The following DAZL variants were observed in gnomAD, a reference collection of about 807,000 sequenced individuals.
DAZL encodes deleted in azoospermia like.
In DAZL, 4 loss-of-function variants were observed where a neutral mutation model predicts 45.0. That is an observed-to-expected ratio of 0.09 (90% confidence interval 0.04 to 0.20). The LOEUF (loss-of-function observed/expected upper bound fraction) is 0.20. Ranked by LOEUF, DAZL falls within the 10% of genes least tolerant of loss-of-function variation. DAZL has a pLI of 1.00. For synonymous variants in DAZL, 122 were observed against 112.4 expected (o/e 1.09, Z -0.54); for missense variants, 326 against 351.3 (o/e 0.93, Z 0.58).
chr3:16,590,403 AGT>A (rs1694499970), intron 10 of DAZL, among the ~76,000 whole-genome samples: 1 of 66,480 alleles, frequency 1.5e-5, no homozygotes, highest in Non-Finnish European at 2.9e-5. Context: ...AAAAAAAGCT[AGT>A]CTTTCTGTTT....
chr3:16,604,600 C>T lies in DAZL; in HGVS notation c.3+603G>A, dbSNP rs563303025. 5.4e-4 allele frequency: 751 copies of T among 1,389,644 alleles called. 6 individuals are homozygous for T. In the African/African-American group the frequency reaches 1.0e-2, roughly 18 times the overall value. 86.1% of individuals were successfully genotyped at this position (1,389,644 alleles called of 1,614,324 possible). A position where few individuals can be genotyped will look rare whatever the true frequency, so the allele number is the denominator to read the frequency against. The stretch of plus-strand genomic sequence containing the variant: ...GCCATGCCTTCAGGACGCCCCACAC[C>T]CCACGCTGAGGCCCCCACGAACCCC... On this transcript the variant is annotated intron_variant, in intron 1 of 10. Coordinates refer to ENST00000399444, the MANE Select transcript of DAZL (RefSeq NM_001351.4).
intron 2 of DAZL, 83 bp from the exon 3 acceptor site, chr3:16,598,261 A>G (rs1694630972): frequency 1.0e-5 from 15 of 1,430,658 alleles, no homozygotes; most frequent in Non-Finnish European, 1.4e-5. Context: ...CGATGATGTG[A>G]CAATTTCTCC....
At chr3:16,598,300 C>A in intron 2 of DAZL, 122 bp from the exon 3 acceptor site, 1 of 1,399,942 alleles carries the variant, frequency 7.1e-7, no homozygotes, top group Non-Finnish European at 1.0e-6. Context: ...ACCAGTAGCT[C>A]TTTGTCAAAG....
intron 8 of DAZL, 82 bp from the exon 9 acceptor site, chr3:16,593,850 G>T (rs1053882813): frequency 4.7e-6 from 4 of 848,736 alleles, no homozygotes; most frequent in Non-Finnish European, 5.5e-6. Context: ...AAGCTAAGCT[G>T]GTATCAAAAG....
Position 16,591,951 on chromosome 3 carries a change from T to C in DAZL, c.834+99A>G, listed in dbSNP as rs888396858. The C allele has an allele frequency of 1.5e-5, 20 of 1,375,032 alleles. No individual in the cohort carries two copies. In the African/African-American group the frequency reaches 2.4e-4, roughly 17 times the overall value. The allele number at this position is 1,375,032 out of a possible 1,614,324, so 85.2% of individuals were successfully genotyped here. ...AGTCAAATGCCAACAGTTAATTAAA[T>C]GCTCTAAGAAATCTCAAAATACATA... On this transcript the variant is annotated intron_variant, in intron 10 of 10. Transcript: ENST00000399444.
At chr3:16,589,106 G>T (rs553658449) in intron 10 of DAZL, among the ~76,000 whole-genome samples, 1 of 152,052 alleles carries the variant, frequency 6.6e-6, no homozygotes, top group Non-Finnish European at 1.5e-5. Context: ...TAGGAACCAC[G>T]GCTTGTGAAC....
At chr3:16,605,152 A>C (rs1694759544) in intron 1 of DAZL, 51 bp downstream of exon 1, 2 of 1,611,752 alleles carry the variant, frequency 1.2e-6, no homozygotes, top group Non-Finnish European at 1.7e-6. Flanking sequence ...AGTTTCACCC[A>C]CGAGTGAAGA....
At chr3:16,591,166 A>G (rs2125043702) in intron 10 of DAZL, among the ~76,000 whole-genome samples, 1 of 152,238 alleles carries the variant, frequency 6.6e-6, no homozygotes, top group South Asian at 2.1e-4. Flanking sequence ...TTAGTCCTGT[A>G]CCTTCTCATT....
chr3:16,593,441 G>A (rs1694551806), intron 9 of DAZL, among the ~76,000 whole-genome samples: 2 of 152,130 alleles, frequency 1.3e-5, no homozygotes, highest in Admixed American at 6.5e-5. Flanking sequence ...AAAAAGTGCT[G>A]GGATTACAGG....
At chr3:16,604,192 CA>C (rs1694737837) in intron 1 of DAZL, among the ~76,000 whole-genome samples, 1 of 152,088 alleles carries the variant, frequency 6.6e-6, no homozygotes, top group African/African-American at 2.4e-5. Context: ...TGAGAATTAT[CA>C]ATGCAGACAC....
intron 7 of DAZL, among the ~76,000 whole-genome samples, chr3:16,594,823 A>AT (rs1424385907): frequency 2.0e-5 from 3 of 152,078 alleles, no homozygotes; most frequent in Non-Finnish European, 4.4e-5. Flanking sequence ...AATCTCAGAG[A>AT]TATTAGTTCC....
Position 16,598,118 on chromosome 3 carries a change from T to C in DAZL, c.211A>G (p.Ile71Val), listed in dbSNP as rs754229157. The C allele has an allele frequency of 2.4e-4, 388 of 1,599,690 alleles. 5 individuals carry two copies. In the South Asian group the frequency reaches 3.7e-3, roughly 15 times the overall value. Reference protein sequence around the residue: ...ARYGSVKEVKIITDRTGVSKG... With the variant: ...ARYGSVKEVKVITDRTGVSKG... ...GACACACCAGTTCGATCAGTGATTA[T>C]CTTCACTTCTTTCACTGAACCATAT... Residue 71 changes from isoleucine (I) to valine (V), a missense_variant, in exon 3 of 11, where the codon ATA becomes GTA. By Grantham distance (29) the Ile-to-Val change is conservative. Around this residue, in one of 3 missense-constraint regions of DAZL, gnomAD observed 81 missense variants for 89.6 expected, o/e 0.90. Transcript: ENST00000399444.
At chr3:16,596,668 T>C (rs1575417753) in intron 6 of DAZL, 82 bp downstream of exon 6, 1 of 1,464,728 alleles carries the variant, frequency 6.8e-7, no homozygotes, top group African/African-American at 1.4e-5. Context: ...CATTACCACT[T>C]ACTACAGAAA....
rs140422733 is a variant in DAZL, at chr3:16,592,623, C to T, written c.736-475G>A. 4.0e-5 allele frequency among the ~76,000 whole-genome samples: 6 copies of T among 151,558 alleles called. No homozygotes were observed. In the East Asian group the frequency reaches 5.8e-4, roughly 15 times the overall value. Reference sequence around the variant, plus strand: ...AAAATGTGATTCATAATTCTTACCACGTATCACTCAATATGCAAGTTTTCT... The same window carrying T: ...AAAATGTGATTCATAATTCTTACCATGTATCACTCAATATGCAAGTTTTCT... On this transcript the variant is annotated intron_variant, in intron 9 of 10. Transcript: ENST00000399444.
chr3:16,598,608 G>A lies in DAZL; in HGVS notation c.4-10C>T, dbSNP rs376774435. ...CAGGATTTGCAGTAGACTGTAATTT[G>A]GAAAGTAGACATCATAATTAGATAC... On this transcript the variant is annotated splice_polypyrimidine_tract_variant and intron_variant, in intron 1 of 10. Transcript: ENST00000399444. The A allele has an allele frequency of 1.9e-6, 3 of 1,590,954 alleles. No individual in the cohort carries two copies. In the African/African-American group the frequency reaches 4.0e-5, roughly 21 times the overall value.
At chr3:16,600,562 T>G (rs1048324295) in intron 1 of DAZL, among the ~76,000 whole-genome samples, 3 of 152,212 alleles carry the variant, frequency 2.0e-5, no homozygotes, top group African/African-American at 4.8e-5. Context: ...GCTGCGTATC[T>G]TGAACTATTA....
chr3:16,598,682 T>C, intron 1 of DAZL, 84 bp from the exon 2 acceptor site: 1 of 1,357,340 alleles, frequency 7.4e-7, no homozygotes, highest in South Asian at 1.4e-5. Flanking sequence ...GTATTTTAAG[T>C]ATAAAATATT....
Position 16,598,566 on chromosome 3 carries a change from G to T in DAZL, c.36C>A (p.Thr12=), listed in dbSNP as rs1266307860. The T allele has an allele frequency of 6.2e-7, 1 of 1,600,690 alleles. No homozygotes were observed. The highest frequency in any genetic ancestry group is 1.3e-5 in the African/African-American group (1 of 74,992). The change falls in exon 2 of 11, where the codon ACC becomes ACA. Residue 12 remains threonine, a synonymous_variant. Transcript: ENST00000399444. ...STANPETPNS[T]ISREASTQSS... ...ACTGGGTGCTGGCCTCTCTGGAGAT[G>T]GTTGAGTTTGGAGTTTCAGGATTTG...
chr3:16,591,299 T>G (rs894449316), intron 10 of DAZL, among the ~76,000 whole-genome samples: 6 of 152,174 alleles, frequency 3.9e-5, no homozygotes, highest in African/African-American at 1.4e-4. Flanking sequence ...TTACCAACTC[T>G]GTCTGAATCA....
Sources: gnomAD v4.1 joint callset for allele counts (sites outside exome capture counted in the v4.1 genomes callset) on GRCh38, gnomAD v4.1.1 for gene constraint, gnomAD v4.1.1 regional missense constraint, MANE v1.5 for transcripts, NCBI Gene and HGNC (gene_info 2026-07-23, HGNC 2026-07-21) for gene names.